Variants in TEX15 observed in about 807,000 individuals in gnomAD.
TEX15 encodes the protein testis-expressed protein 15.
TEX15 carries 171 observed loss-of-function variants against 237.3 expected under a neutral mutation model. That is an observed-to-expected ratio of 0.72 (90% confidence interval 0.64 to 0.82). TEX15 has a LOEUF of 0.82. TEX15 is among the 40% of genes least tolerant of loss of function. The probability of loss-of-function intolerance (pLI) is 0.00; values close to 1 mark genes in which losing one functional copy is unlikely to be tolerated. For synonymous variants in TEX15, 1,338 were observed against 1,269.8 expected (o/e 1.05, Z -1.14); for missense variants, 3,750 against 3,646.5 (o/e 1.03, Z -0.73).
intron 10 of TEX15, among the ~76,000 whole-genome samples, chr8:30,836,143 T>C (rs968514242): frequency 9.9e-5 from 15 of 151,730 alleles, no homozygotes; most frequent in Admixed American, 3.3e-4. Flanking sequence ...TTACATGATA[T>C]AGTTTTAAAA....
chr8:30,839,913 G>T lies in TEX15; in HGVS notation c.8215C>A (p.His2739Asn). The T allele has an allele frequency of 1.9e-6, 3 of 1,601,182 alleles. No individual in the cohort carries two copies. The highest frequency in any genetic ancestry group is 2.6e-6 in the Non-Finnish European group (3 of 1,174,040). The stretch of plus-strand genomic sequence containing the variant: ...GCTGATGGGAACTCCTACCTTGGAT[G>T]CTTGAATGTTGCCTTTTCTCTGTTG... ...KINREKATFKHPRTTGSHPKS... is the reference protein window; with the variant it reads ...KINREKATFKNPRTTGSHPKS... Residue 2739 changes from histidine to asparagine, a missense_variant, in exon 9 of 11, where the codon CAT (histidine) becomes AAT (asparagine). By Grantham distance (68) the His-to-Asn change is moderately conservative (BLOSUM62 1). Transcript: ENST00000643185.
At chr8:30,882,740 T>A (rs578027169) in intron 3 of TEX15, among the ~76,000 whole-genome samples, 1 of 152,374 alleles carries the variant, frequency 6.6e-6, no homozygotes, top group Non-Finnish European at 1.5e-5. Context: ...CAGTGTTAGA[T>A]TCTTCAATAT....
chr8:30,864,169 GAAC>G (rs952106465), intron 5 of TEX15, among the ~76,000 whole-genome samples: 14 of 151,880 alleles, frequency 9.2e-5, no homozygotes, highest in African/African-American at 2.7e-4. Flanking sequence ...TAACTAAAAT[GAAC>G]AGCTCTCTAG....
intron 7 of TEX15, among the ~76,000 whole-genome samples, chr8:30,851,557 G>A (rs781508376): frequency 3.9e-5 from 6 of 152,100 alleles, no homozygotes; most frequent in Middle Eastern, 3.4e-3. Context: ...CCTTGAACCC[G>A]TGAGGCGGAG....
In TEX15 at chr8:30,846,577, TC is replaced by T. The variant is rs1229026944; in HGVS notation, c.3589del (p.Asp1197MetfsTer5). ...EATKPEINKE[D>X]GEILGFDIYS... is the part of the protein sequence containing the mutation. ...AATGTCAAATCCTAGAATTTCTCCA[TC>T]TTCCTTATTTATTTCCGGTTTTGTG... On this transcript the variant is annotated frameshift_variant, in exon 8 of 11. Coordinates refer to ENST00000643185, the MANE Select transcript of TEX15 (RefSeq NM_001350162.2). LOFTEE classifies it high-confidence loss of function. 1 of 1,613,748 alleles carries T rather than the reference TC, an allele frequency of 6.2e-7. No individual in the cohort carries two copies.
At chr8:30,850,594 C>T (rs1257306196) in intron 7 of TEX15, among the ~76,000 whole-genome samples, 13 of 151,918 alleles carry the variant, frequency 8.6e-5, no homozygotes, top group Admixed American at 8.5e-4. Context: ...AATATGACCA[C>T]ATATGAAGAG....
At position 30,845,430 on chromosome 8, in the gene TEX15, T is replaced by G; in HGVS notation, c.4737A>C (p.Leu1579Phe). 1 of 1,612,608 alleles carries G rather than the reference T, an allele frequency of 6.2e-7. No homozygotes were observed. The highest frequency in any genetic ancestry group is 8.5e-7 in the Non-Finnish European group (1 of 1,179,168). The change falls in exon 8 of 11, where the codon TTA becomes TTC. Residue 1579 changes from leucine to phenylalanine, a missense_variant. Physicochemically the swap from Leu to Phe is conservative, Grantham distance 22 (BLOSUM62 0). Coordinates refer to ENST00000643185, the MANE Select transcript of TEX15 (RefSeq NM_001350162.2). ...GCTTTTCATATTTACTAGTGCTAGA[T>G]AAAAATGCTGTATCAATTTGATTTT... is the stretch of plus-strand genomic sequence containing the variant. ...EKENQIDTAF[L>F]SSTSKYEKLE... is the part of the protein sequence containing the mutation.
chr8:30,867,528 A>G, intron 4 of TEX15, 26 bp from the exon 5 acceptor site: 1 of 1,367,670 alleles, frequency 7.3e-7, no homozygotes, highest in South Asian at 1.3e-5. Flanking sequence ...CAATGTATAC[A>G]GTTAAAGATA....
chr8:30,872,832 A>G (rs1455834129), intron 4 of TEX15, among the ~76,000 whole-genome samples: 2 of 152,228 alleles, frequency 1.3e-5, no homozygotes, highest in Non-Finnish European at 2.9e-5. Flanking sequence ...TTGTGTTTTA[A>G]GCTACATGTT....
intron 1 of TEX15, among the ~76,000 whole-genome samples, chr8:30,902,224 C>CTT (rs551012450): frequency 3.6e-5 from 5 of 140,632 alleles, no homozygotes; most frequent in African/African-American, 1.0e-4. Context: ...CCTTTTCCTC[C>CTT]TTTTTTTTTT....
chr8:30,906,302 G>A (rs894926322), intron 1 of TEX15, among the ~76,000 whole-genome samples: 1 of 152,078 alleles, frequency 6.6e-6, no homozygotes, highest in African/African-American at 2.4e-5. Flanking sequence ...AAGAGAACAA[G>A]CAGCTGGGCG....
chr8:30,889,983 AG>A (rs1023533285), intron 2 of TEX15, among the ~76,000 whole-genome samples: 4 of 147,372 alleles, frequency 2.7e-5, no homozygotes, highest in Admixed American at 6.8e-5. Context: ...AAGTAAAATC[AG>A]GAAGTTTGAA....
chr8:30,839,914 C>A lies in TEX15; in HGVS notation c.8214G>T (p.Lys2738Asn), dbSNP rs1412028880. Reference sequence around the variant, plus strand: ...CTGATGGGAACTCCTACCTTGGATGCTTGAATGTTGCCTTTTCTCTGTTGA... The same window carrying A: ...CTGATGGGAACTCCTACCTTGGATGATTGAATGTTGCCTTTTCTCTGTTGA... ...TKINREKATF[K>N]HPRTTGSHPK... Residue 2738 changes from lysine (K) to asparagine (N), a missense_variant, in exon 9 of 11, where the codon AAG becomes AAT. Physicochemically the swap from Lys to Asn is moderately conservative, Grantham distance 94. Transcript: ENST00000643185. 8.1e-6 allele frequency: 13 copies of A among 1,601,188 alleles called. No individual in the cohort carries two copies. The highest frequency in any genetic ancestry group is 2.7e-5 in the African/African-American group (2 of 74,570).
intron 2 of TEX15, among the ~76,000 whole-genome samples, chr8:30,890,201 A>G (rs1428535990): frequency 6.6e-6 from 1 of 151,684 alleles, no homozygotes; most frequent in African/African-American, 2.4e-5. Flanking sequence ...CAAAAACAAG[A>G]GTTTGCTAAC....
At chr8:30,841,637 C>T (rs1040474122) in intron 8 of TEX15, among the ~76,000 whole-genome samples, 4 of 152,182 alleles carry the variant, frequency 2.6e-5, no homozygotes, top group African/African-American at 9.7e-5. Context: ...ATATTCACTA[C>T]ACGGGGCATA....
chr8:30,861,724 T>C (rs1303781241), intron 5 of TEX15, among the ~76,000 whole-genome samples: 4 of 152,062 alleles, frequency 2.6e-5, no homozygotes, highest in Non-Finnish European at 5.9e-5. Flanking sequence ...TATTCTAAGC[T>C]AAAAAGTTTA....
chr8:30,843,929 T>C lies in TEX15; in HGVS notation c.6238A>G (p.Met2080Val). The change falls in exon 8 of 11, where the codon ATG (methionine) becomes GTG (valine). Residue 2080 changes from methionine (M) to valine (V), a missense_variant. Transcript: ENST00000643185. ...TTTTCAATGAATTGAATTGTTTCCATCATCATTTGAAGTTCTACCAAAGTG... is the reference window on the plus strand; with the variant it reads ...TTTTCAATGAATTGAATTGTTTCCACCATCATTTGAAGTTCTACCAAAGTG... ...VDTLVELQMM[M>V]ETIQFIENKK... The C allele has an allele frequency of 6.2e-7, 1 of 1,612,924 alleles. No homozygotes were observed. Among genetic ancestry groups the C allele is most frequent in the Non-Finnish European group, 8.5e-7 (1 of 1,179,628 alleles).
At chr8:30,859,039 G>GTTT (rs1807978326) in intron 6 of TEX15, among the ~76,000 whole-genome samples, 1 of 151,764 alleles carries the variant, frequency 6.6e-6, no homozygotes, top group Non-Finnish European at 1.5e-5. Flanking sequence ...ACTAATGTCT[G>GTTT]CAGAAAAAGG....
At position 30,848,526 on chromosome 8, in the gene TEX15, T is replaced by C; in HGVS notation, c.1641A>G (p.Val547=). The stretch of plus-strand genomic sequence containing the variant: ...GGTTTTGGTTCTCAACCTCTGACAC[T>C]ACATTTGACACAGAAATTGGGAAGG... The part of the protein sequence containing the change: ...NFSFPISVSN[V]VSEVENQNHS... Residue 547 remains valine (V), a synonymous_variant, in exon 8 of 11, where the codon GTA becomes GTG. Coordinates refer to ENST00000643185, the MANE Select transcript of TEX15 (RefSeq NM_001350162.2). 2 of 1,614,158 alleles carry C rather than the reference T, an allele frequency of 1.2e-6. No homozygotes were observed. The highest frequency in any genetic ancestry group is 1.7e-6 in the Non-Finnish European group (2 of 1,180,008).
Sources: gnomAD v4.1 joint callset for allele counts (sites outside exome capture counted in the v4.1 genomes callset) on GRCh38, gnomAD v4.1.1 for gene constraint, MANE v1.5 for transcripts, NCBI Gene and HGNC (gene_info 2026-07-23, HGNC 2026-07-21) for gene names.